Variants in TRAF3 observed in about 807,000 individuals in gnomAD.
TRAF3 encodes TNF receptor-associated factor 3.
TRAF3 carries 13 observed loss-of-function variants against 62.3 expected under a neutral mutation model. That is an observed-to-expected ratio of 0.21 (90% CI 0.14 to 0.33). TRAF3 has a LOEUF of 0.33. Ranked by LOEUF, TRAF3 falls within the 10% of genes least tolerant of loss-of-function variation. The pLI, the probability that TRAF3 is intolerant of heterozygous loss-of-function variation, is 1.00. For missense variants in TRAF3, 440 were observed against 741.8 expected (o/e 0.59, Z 4.73); for synonymous variants, 269 against 283.4 (o/e 0.95, Z 0.51).
At chr14:102,777,938 CCGAGGGGGCCGGGGCG>C (rs1407452446) in intron 1 of TRAF3, among the ~76,000 whole-genome samples, 3 of 149,818 alleles carry the variant, frequency 2.0e-5, no homozygotes, top group Admixed American at 1.3e-4. Flanking sequence ...GGCTCGGGGC[CCGAGGGGGCCGGGGCG>C]CCCGCACCTT....
At chr14:102,836,090 T>TTGGTCC (rs889434377) in intron 2 of TRAF3, among the ~76,000 whole-genome samples, 1 of 152,134 alleles carries the variant, frequency 6.6e-6, no homozygotes. Context: ...ATATATACAT[T>TTGGTCC]TGGTGGGTGC....
At chr14:102,839,876 T>C (rs1183480592) in intron 2 of TRAF3, among the ~76,000 whole-genome samples, 1 of 152,158 alleles carries the variant, frequency 6.6e-6, no homozygotes, top group African/African-American at 2.4e-5. Flanking sequence ...TAGTGAGAAG[T>C]AGTTAGAGCA....
chr14:102,824,970 A>T (rs1027864509), intron 1 of TRAF3, among the ~76,000 whole-genome samples: 3 of 152,232 alleles, frequency 2.0e-5, no homozygotes, highest in Admixed American at 2.0e-4. Flanking sequence ...TCCTGCAGAA[A>T]GAGAATGCAT....
At chr14:102,814,211 A>G (rs906995906) in intron 1 of TRAF3, among the ~76,000 whole-genome samples, 10 of 152,202 alleles carry the variant, frequency 6.6e-5, no homozygotes, top group African/African-American at 2.4e-4. Flanking sequence ...TTTGTCAAAA[A>G]TCAGTTGGCT....
Position 102,876,567 on chromosome 14 carries a change from A to G in TRAF3, c.570+42A>G, listed in dbSNP as rs374051490. ...TCCACAGGCCTTCCACTCAATTCCT[A>G]TATGATACATTCCACAGGCCTTCCG... On this transcript the variant is annotated intron_variant, in intron 6 of 11. Coordinates refer to ENST00000392745, the MANE Select transcript of TRAF3 (RefSeq NM_145725.3). 43 of 1,605,558 alleles carry G rather than the reference A, an allele frequency of 2.7e-5. 1 individual carries two copies. The African/African-American group carries it at 4.2e-4, about 16-fold the overall frequency.
intron 9 of TRAF3, chr14:102,894,971 A>C (rs1889924803): frequency 2.2e-5 from 9 of 405,704 alleles, no homozygotes; most frequent in Non-Finnish European, 4.5e-5. Flanking sequence ...CAAAGTGCTG[A>C]GACTACACGT....
intron 1 of TRAF3, among the ~76,000 whole-genome samples, chr14:102,789,101 C>T (rs1235105969): frequency 1.3e-5 from 2 of 152,186 alleles, no homozygotes; most frequent in Non-Finnish European, 2.9e-5. Context: ...TTAGATATAG[C>T]ATCTAGGAAT....
At chr14:102,889,675 T>C (rs1194595499) in intron 8 of TRAF3, 41 bp downstream of exon 8, 1 of 1,600,042 alleles carries the variant, frequency 6.2e-7, no homozygotes, top group East Asian at 2.2e-5. Flanking sequence ...ACTGACATTC[T>C]GCCATGAGAG....
chr14:102,805,640 A>G (rs1898723913), intron 1 of TRAF3, among the ~76,000 whole-genome samples: 1 of 152,170 alleles, frequency 6.6e-6, no homozygotes, highest in Admixed American at 6.5e-5. Context: ...CGGTGATTCC[A>G]TGCAGTTTTA....
chr14:102,824,757 G>A (rs922828894), intron 1 of TRAF3, among the ~76,000 whole-genome samples: 3 of 152,230 alleles, frequency 2.0e-5, no homozygotes, highest in African/African-American at 7.2e-5. Flanking sequence ...ATTTAATAAA[G>A]GGGCAGGATT....
rs144764540 is a variant in TRAF3, at chr14:102,860,508, G to A, written c.-17-9677G>A. Among the ~76,000 whole-genome samples the A allele has an allele frequency of 4.7e-4, 72 of 152,252 alleles. 1 individual carries two copies. In the East Asian group the frequency reaches 0.013, roughly 26 times the overall value. Reference sequence around the variant, plus strand: ...TAACCATAGCACTCTTTAAAAAGTCGTTTTAAATATCTTATTACCCAACTT... The same window carrying A: ...TAACCATAGCACTCTTTAAAAAGTCATTTTAAATATCTTATTACCCAACTT... On this transcript the variant is annotated intron_variant, in intron 2 of 11. Transcript: ENST00000392745.
chr14:102,832,124 A>G (rs750632941), intron 2 of TRAF3, among the ~76,000 whole-genome samples: 1 of 151,952 alleles, frequency 6.6e-6, no homozygotes, highest in African/African-American at 2.4e-5. Context: ...TTGTATATAT[A>G]TTTATCATGT....
chr14:102,837,843 G>A (rs1886122146), intron 2 of TRAF3, among the ~76,000 whole-genome samples: 1 of 152,178 alleles, frequency 6.6e-6, no homozygotes, highest in South Asian at 2.1e-4. Flanking sequence ...TTTTAGTCCT[G>A]TTAGCTCTGA....
At chr14:102,900,466 A>T (rs937733320) in intron 10 of TRAF3, among the ~76,000 whole-genome samples, 4 of 152,234 alleles carry the variant, frequency 2.6e-5, no homozygotes, top group African/African-American at 9.6e-5. Context: ...GCGCCATTGC[A>T]CTCGAGACTG....
At chr14:102,839,904 G>A (rs770016639) in intron 2 of TRAF3, among the ~76,000 whole-genome samples, 10 of 152,160 alleles carry the variant, frequency 6.6e-5, no homozygotes, top group Non-Finnish European at 1.3e-4. Context: ...TCACATCGAA[G>A]TAATCTCTTT....
At position 102,911,328 on chromosome 14, in the gene TRAF3, T is replaced by C. The variant is rs570037037; in HGVS notation, c.*5544T>C. The C allele has an allele frequency of 2.6e-5, 4 of 152,272 alleles. No individual in the cohort carries two copies. Among genetic ancestry groups the C allele is most frequent in the Non-Finnish European group, 5.9e-5 (4 of 68,048 alleles). 9.4% of individuals were successfully genotyped at this position (152,272 alleles called of 1,614,324 possible). Reference sequence around the variant, plus strand: ...TGATAGCATTACTGTTTTCTAGTTTTGTTTATTGTATATTATGTGTGGTTT... The same window carrying C: ...TGATAGCATTACTGTTTTCTAGTTTCGTTTATTGTATATTATGTGTGGTTT... On this transcript the variant is annotated 3_prime_UTR_variant, in exon 12 of 12. Coordinates refer to ENST00000392745, the MANE Select transcript of TRAF3 (RefSeq NM_145725.3).
At chr14:102,789,594 A>ATGTGTGTG (rs56383846) in intron 1 of TRAF3, among the ~76,000 whole-genome samples, 73 of 148,792 alleles carry the variant, frequency 4.9e-4, no homozygotes, top group Admixed American at 2.0e-3. Flanking sequence ...AAAAGGATAT[A>ATGTGTGTG]TGTGTGTGTG....
Position 102,815,020 on chromosome 14 carries a change from C to T in TRAF3, c.-156-15314C>T, listed in dbSNP as rs182086942. Among the ~76,000 whole-genome samples the T allele has an allele frequency of 2.6e-3, 403 of 152,232 alleles. 1 individual carries two copies. The highest frequency in any genetic ancestry group is 6.2e-3 in the South Asian group (30 of 4,828). ...GCACAATCATGGCTCACTGTAGCCTCGACCTCTAGAGCTCAAGGGAGCCTA... is the reference window on the plus strand; with the variant it reads ...GCACAATCATGGCTCACTGTAGCCTTGACCTCTAGAGCTCAAGGGAGCCTA... On this transcript the variant is annotated intron_variant, in intron 1 of 11. Transcript: ENST00000392745.
intron 2 of TRAF3, among the ~76,000 whole-genome samples, chr14:102,835,042 AAACTTAAG>A (rs1044404301): frequency 6.6e-6 from 1 of 152,198 alleles, no homozygotes. Context: ...GGAACTTAAG[AAACTTAAG>A]AACTACAAGA....
Sources: allele counts gnomAD v4.1 joint callset (sites outside exome capture counted in the v4.1 genomes callset), GRCh38; gene constraint gnomAD v4.1.1; transcripts MANE v1.5; gene names NCBI Gene and HGNC (gene_info 2026-07-23, HGNC 2026-07-21).